TCF7L2: variants seen among roughly 807,000 people sequenced by gnomAD.
TCF7L2 encodes transcription factor 7-like 2.
In TCF7L2, 23 loss-of-function variants were observed where a neutral mutation model predicts 77.9. The observed-to-expected ratio is 0.30, with a 90% CI of 0.21 to 0.42. The LOEUF (loss-of-function observed/expected upper bound fraction) is 0.42, where lower values mean the gene tolerates loss of function less well. Among genes scored for constraint, TCF7L2 ranks in the 10% least tolerant of loss-of-function variants. The pLI, the probability that TCF7L2 is intolerant of heterozygous loss-of-function variation, is 1.00. For synonymous variants in TCF7L2, 413 were observed against 340.2 expected (o/e 1.21, Z -2.36); for missense variants, 654 against 793.1 (o/e 0.82, Z 2.11).
At chr10:112,984,115 C>CT (rs1408884792) in intron 4 of TCF7L2, among the ~76,000 whole-genome samples, 1 of 152,186 alleles carries the variant, frequency 6.6e-6, no homozygotes, top group Non-Finnish European at 1.5e-5. Flanking sequence ...TGCTATCTGT[C>CT]TTTAAGCTTT....
chr10:113,123,774 C>T (rs902479654), intron 5 of TCF7L2, among the ~76,000 whole-genome samples: 5 of 152,140 alleles, frequency 3.3e-5, no homozygotes, highest in Non-Finnish European at 2.9e-5. Flanking sequence ...CCCCAAATTC[C>T]TTTCCTTCTT....
chr10:113,018,270 T>G (rs1430452739), intron 4 of TCF7L2, among the ~76,000 whole-genome samples: 1 of 152,086 alleles, frequency 6.6e-6, no homozygotes, highest in Non-Finnish European at 1.5e-5. Context: ...AAGTCATCTT[T>G]CTGGGGAGTG....
At chr10:113,097,138 G>A (rs1051701356) in intron 5 of TCF7L2, among the ~76,000 whole-genome samples, 3 of 152,190 alleles carry the variant, frequency 2.0e-5, no homozygotes, top group African/African-American at 7.2e-5. Context: ...GTCACGTAGT[G>A]CTCATCCCAG....
At position 113,145,945 on chromosome 10, in the gene TCF7L2, C is replaced by G. The variant is rs1439723749; in HGVS notation, c.789-66C>G. The G allele has an allele frequency of 3.7e-6, 5 of 1,350,800 alleles. No individual in the cohort carries two copies. In the East Asian group the frequency reaches 9.3e-5, roughly 25 times the overall value. The allele number at this position is 1,350,800 out of a possible 1,614,324, so 83.7% of individuals were successfully genotyped here. On this transcript the variant is annotated intron_variant, in intron 7 of 13. Coordinates refer to ENST00000627217, the MANE Select transcript of TCF7L2 (RefSeq NM_001146274.2). ...TGTGCAGAGAGAACTTTTCCCTTTT[C>G]TTCTTTTTCTTGTCCCCACCCCCAC...
chr10:113,026,323 T>G (rs1191539828), intron 4 of TCF7L2, among the ~76,000 whole-genome samples: 1 of 152,096 alleles, frequency 6.6e-6, no homozygotes, highest in Non-Finnish European at 1.5e-5. Flanking sequence ...GGCTAATTTT[T>G]TTTTTTTAAG....
chr10:113,076,637 A>G (rs541431041), intron 5 of TCF7L2, among the ~76,000 whole-genome samples: 3 of 152,244 alleles, frequency 2.0e-5, no homozygotes, highest in Non-Finnish European at 4.4e-5. Context: ...CCTTTATGAC[A>G]TTTCTGGGGA....
chr10:113,018,557 C>T (rs926256194), intron 4 of TCF7L2, among the ~76,000 whole-genome samples: 1 of 147,118 alleles, frequency 6.8e-6, no homozygotes, highest in Non-Finnish European at 1.5e-5. Flanking sequence ...AAGCAATCTA[C>T]AAAATGCATC....
At chr10:113,149,690 C>T (rs924827583) in intron 8 of TCF7L2, among the ~76,000 whole-genome samples, 2 of 145,130 alleles carry the variant, frequency 1.4e-5, no homozygotes, top group African/African-American at 4.9e-5. Flanking sequence ...CCTCTAGTTC[C>T]CACCAGAATT....
At chr10:112,969,969 G>T (rs1178555951) in intron 4 of TCF7L2, among the ~76,000 whole-genome samples, 1 of 152,216 alleles carries the variant, frequency 6.6e-6, no homozygotes. Context: ...TGAAGGTCGA[G>T]ACCCACAGAA....
intron 5 of TCF7L2, among the ~76,000 whole-genome samples, chr10:113,111,206 G>A (rs974102530): frequency 6.6e-6 from 1 of 152,108 alleles, no homozygotes; most frequent in Non-Finnish European, 1.5e-5. Context: ...TGACTTTGAG[G>A]AAATTATACC....
At chr10:112,959,562 T>TA (rs1248298139) in intron 3 of TCF7L2, among the ~76,000 whole-genome samples, 2 of 152,056 alleles carry the variant, frequency 1.3e-5, no homozygotes, top group Admixed American at 6.6e-5. Flanking sequence ...ATGCTGTCGT[T>TA]AAGTTATTGT....
intron 4 of TCF7L2, among the ~76,000 whole-genome samples, chr10:113,036,231 G>C (rs556122253): frequency 2.0e-5 from 3 of 151,816 alleles, no homozygotes; most frequent in Non-Finnish European, 4.4e-5. Flanking sequence ...CAGCTGTAAG[G>C]GGGCAGGTTC....
chr10:113,156,510 T>G (rs959469631), intron 11 of TCF7L2, among the ~76,000 whole-genome samples: 1 of 152,222 alleles, frequency 6.6e-6, no homozygotes, highest in African/African-American at 2.4e-5. Flanking sequence ...TTAGCTGTTC[T>G]GAAACATATA....
At chr10:113,121,253 T>TCGCTCTCCCGCCCTCTTCC (rs1232589724) in intron 5 of TCF7L2, among the ~76,000 whole-genome samples, 1 of 152,188 alleles carries the variant, frequency 6.6e-6, no homozygotes, top group Non-Finnish European at 1.5e-5. Flanking sequence ...GCCCCTCTTC[T>TCGCTCTCCCGCCCTCTTCC]CGCTCTCCCG....
At chr10:112,965,542 A>T (rs1172433075) in intron 4 of TCF7L2, among the ~76,000 whole-genome samples, 3 of 150,782 alleles carry the variant, frequency 2.0e-5, no homozygotes, top group African/African-American at 7.4e-5. Context: ...TTGTGAGTTG[A>T]TGTTGGTTTG....
chr10:113,019,704 AT>A (rs545256373), intron 4 of TCF7L2, among the ~76,000 whole-genome samples: 1 of 151,904 alleles, frequency 6.6e-6, no homozygotes, highest in African/African-American at 2.4e-5. Flanking sequence ...AAGGTGGTTG[AT>A]TTTTTTCTTT....
chr10:113,101,856 A>AAAAAAAAAAAG (rs1564896033), intron 5 of TCF7L2, among the ~76,000 whole-genome samples: 5 of 143,476 alleles, frequency 3.5e-5, no homozygotes, highest in Admixed American at 7.0e-5. Flanking sequence ...AAAAAAAAAA[A>AAAAAAAAAAAG]AGAGAGGTGT....
intron 12 of TCF7L2, 39 bp downstream of exon 14, chr10:113,160,031 G>A: frequency 6.3e-7 from 1 of 1,589,582 alleles, no homozygotes; most frequent in South Asian, 1.1e-5. Context: ...CTGGTTTGCA[G>A]CTGGTCTATT....
intron 4 of TCF7L2, among the ~76,000 whole-genome samples, chr10:113,023,649 GTTTTA>G (rs1229408582): frequency 6.6e-6 from 1 of 151,532 alleles, no homozygotes; most frequent in East Asian, 2.0e-4. Flanking sequence ...TTTTTCTATT[GTTTTA>G]TTTTATTTTA....
Sources: gnomAD v4.1 joint callset for allele counts (sites outside exome capture counted in the v4.1 genomes callset) on GRCh38, gnomAD v4.1.1 for gene constraint, MANE v1.5 for transcripts, NCBI Gene and HGNC (gene_info 2026-07-23, HGNC 2026-07-21) for gene names.